The following DYSF variants were observed in gnomAD, a reference collection of about 807,000 sequenced individuals.
DYSF encodes dysferlin.
Under a neutral mutation model 274.9 loss-of-function variants are expected in DYSF, and 212 were observed. The ratio of observed to expected loss-of-function variants is 0.77; its 90% CI spans 0.69 to 0.86. The LOEUF is 0.86. DYSF is among the 40% of genes least tolerant of loss of function. The pLI is 0.00. For missense variants in DYSF, 2,666 were observed against 2,783.2 expected (o/e 0.96, Z 0.95); for synonymous variants, 1,091 against 1,078.7 (o/e 1.01, Z -0.22).
intron 10 of DYSF, among the ~76,000 whole-genome samples, chr2:71,519,120 A>G (rs990713025): frequency 7.6e-5 from 11 of 144,858 alleles, no homozygotes; most frequent in African/African-American, 2.9e-4. Flanking sequence ...AAAAAAAAAA[A>G]AATTACTGGG....
At chr2:71,678,583 A>T (rs1307267239) in intron 52 of DYSF, among the ~76,000 whole-genome samples, 1 of 152,088 alleles carries the variant, frequency 6.6e-6, no homozygotes, top group Non-Finnish European at 1.5e-5. Context: ...TGTTTGGGGG[A>T]TGGAAAAGTT....
intron 10 of DYSF, among the ~76,000 whole-genome samples, chr2:71,519,636 T>C (rs1223825074): frequency 1.3e-5 from 2 of 152,018 alleles, no homozygotes; most frequent in East Asian, 3.9e-4. Context: ...CCTATTGTGT[T>C]GAATTTCCTT....
intron 3 of DYSF, 49 bp from the exon 4 acceptor site, chr2:71,503,165 C>T (rs2085160306): frequency 1.3e-6 from 2 of 1,554,820 alleles, no homozygotes; most frequent in Non-Finnish European, 1.8e-6. Context: ...GCAGAAGAGC[C>T]AGGGTGCCTT....
intron 1 of DYSF, among the ~76,000 whole-genome samples, chr2:71,459,182 C>A (rs916858073): frequency 6.6e-6 from 1 of 152,204 alleles, no homozygotes; most frequent in African/African-American, 2.4e-5. Flanking sequence ...CCTGTCAACT[C>A]ATGTAGAATG....
At position 71,472,941 on chromosome 2, in the gene DYSF, T is replaced by C. The variant is rs1033346535; in HGVS notation, c.91+6008T>C. Among the ~76,000 whole-genome samples, 12 of 152,330 alleles carry C rather than the reference T, an allele frequency of 7.9e-5. No individual in the cohort carries two copies. The East Asian group carries it at 2.1e-3, about 27-fold the overall frequency. On this transcript the variant is annotated intron_variant, in intron 1 of 55. Transcript: ENST00000410020. ...TTAATTGGCAAGTAAAAATTATATG[T>C]AAATATCTTCCCCAGTTCTAATGTA...
Position 71,516,200 on chromosome 2 carries a change from T to G in DYSF, c.909T>G (p.Phe303Leu). 6.2e-7 allele frequency: 1 copy of G among 1,614,248 alleles called. No individual in the cohort carries two copies. The highest frequency in any genetic ancestry group is 2.2e-5 in the East Asian group (1 of 44,882). Residue 303 changes from phenylalanine to leucine, a missense_variant, in exon 9 of 56, where the codon TTT becomes TTG. Coordinates refer to ENST00000410020, the MANE Select transcript of DYSF (RefSeq NM_001130987.2). ...AACAGACTCTTTTCTTCAACTTGTT[T>G]GACTCTCCTGGGGAGCTGTTTGATG... ...LFNETLFFNLFDSPGELFDEP... is the reference protein window; with the variant it reads ...LFNETLFFNLLDSPGELFDEP...
chr2:71,612,882 G>A (rs956790603), intron 39 of DYSF, 76 bp downstream of exon 39: 1 of 1,514,052 alleles, frequency 6.6e-7, no homozygotes, highest in African/African-American at 1.4e-5. Context: ...TAGTTGAGAT[G>A]CATCCTGAAA....
intron 5 of DYSF, among the ~76,000 whole-genome samples, chr2:71,512,954 C>T (rs2086249305): frequency 6.6e-6 from 1 of 152,022 alleles, no homozygotes; most frequent in Non-Finnish European, 1.5e-5. Context: ...GGAGAGGTGC[C>T]CGTGGTGGCA....
At chr2:71,625,707 C>T (rs2094196073) in intron 41 of DYSF, among the ~76,000 whole-genome samples, 1 of 152,062 alleles carries the variant, frequency 6.6e-6, no homozygotes, top group South Asian at 2.1e-4. Context: ...AGATTTGTGA[C>T]AGAGTTATAG....
upstream of DYSF, among the ~76,000 whole-genome samples, chr2:71,464,890 G>C (rs1259627989): frequency 6.6e-6 from 1 of 152,118 alleles, no homozygotes; most frequent in Non-Finnish European, 1.5e-5. Context: ...CAATGGAGAT[G>C]GTGAGATATG....
At chr2:71,601,454 T>C (rs748574216) in intron 34 of DYSF, 45 bp from the exon 35 acceptor site, 11 of 1,613,836 alleles carry the variant, frequency 6.8e-6, no homozygotes, top group Middle Eastern at 3.3e-4. Flanking sequence ...GATGGGGGCC[T>C]TAGGTGACAA....
chr2:71,564,556 A>T (rs966267727), intron 24 of DYSF, among the ~76,000 whole-genome samples: 2 of 152,140 alleles, frequency 1.3e-5, no homozygotes, highest in Non-Finnish European at 1.5e-5. Flanking sequence ...CCTCATCCTC[A>T]GTTCCCAGGC....
At chr2:71,516,852 C>T (rs1435722403) in intron 9 of DYSF, 137 bp from the exon 10 acceptor site, 1 of 841,198 alleles carries the variant, frequency 1.2e-6, no homozygotes, top group African/African-American at 1.7e-5. Flanking sequence ...GAGGGCTAAA[C>T]ACTGCTTAGA....
intron 3 of DYSF, 81 bp downstream of exon 3, chr2:71,482,051 C>A: frequency 1.7e-6 from 2 of 1,153,878 alleles, no homozygotes; most frequent in Non-Finnish European, 2.6e-6. Context: ...GAATCCCAGG[C>A]CCCAGGGAGC....
intron 41 of DYSF, among the ~76,000 whole-genome samples, chr2:71,627,314 G>A (rs1327892533): frequency 2.0e-5 from 3 of 151,386 alleles, no homozygotes; most frequent in Non-Finnish European, 3.0e-5. Flanking sequence ...GAGTATTTTC[G>A]GATTTTTATT....
chr2:71,621,667 A>G (rs1010169060), intron 41 of DYSF, among the ~76,000 whole-genome samples: 1 of 150,986 alleles, frequency 6.6e-6, no homozygotes, highest in African/African-American at 2.4e-5. Context: ...TATATTATAT[A>G]TATATTTTTT....
At chr2:71,667,110 G>A (rs985801267) in intron 47 of DYSF, among the ~76,000 whole-genome samples, 5 of 152,156 alleles carry the variant, frequency 3.3e-5, no homozygotes, top group Non-Finnish European at 7.4e-5. Context: ...GTGGAAAATA[G>A]GAATAAAAAC....
intron 30 of DYSF, among the ~76,000 whole-genome samples, chr2:71,577,568 TCA>T (rs2092750945): frequency 7.2e-6 from 1 of 139,712 alleles, no homozygotes; most frequent in African/African-American, 2.7e-5. Context: ...ACACATACCC[TCA>T]CACACACCAA....
Position 71,555,922 on chromosome 2 carries a change from G to T in DYSF, c.2110-43G>T, listed in dbSNP as rs72827543. 29,081 of 1,490,578 alleles carry T rather than the reference G, an allele frequency of 0.02. 348 individuals are homozygous for T. The highest frequency in any genetic ancestry group is 0.023 in the Non-Finnish European group (25,249 of 1,091,586). The allele number at this position is 1,490,578 out of a possible 1,614,324, so 92.3% of individuals were successfully genotyped here. On this transcript the variant is annotated intron_variant, in intron 21 of 55. Coordinates refer to ENST00000410020, the MANE Select transcript of DYSF (RefSeq NM_001130987.2). Reference sequence around the variant, plus strand: ...GGGTTGGGTCCAGCATGCACCCTCTGCCCTGTGGTGACACACCTGACCCTT... The same window carrying T: ...GGGTTGGGTCCAGCATGCACCCTCTTCCCTGTGGTGACACACCTGACCCTT...
Sources: gnomAD v4.1 joint callset for allele counts (sites outside exome capture counted in the v4.1 genomes callset) on GRCh38, gnomAD v4.1.1 for gene constraint, MANE v1.5 for transcripts, NCBI Gene and HGNC (gene_info 2026-07-23, HGNC 2026-07-21) for gene names.